PAMR1: variants seen among roughly 807,000 people sequenced by gnomAD.
The protein encoded by PAMR1 is inactive serine protease PAMR1.
PAMR1 carries 88 observed loss-of-function variants against 81.8 expected under a neutral mutation model. The observed-to-expected ratio is 1.08, with a 90% CI of 0.91 to 1.28. PAMR1 has a LOEUF of 1.28. Among genes scored for constraint, PAMR1 ranks in the 50% most tolerant of loss-of-function variants. The probability of loss-of-function intolerance (pLI) is 0.00; values close to 1 mark genes in which losing one functional copy is unlikely to be tolerated. For synonymous variants in PAMR1, 336 were observed against 345.3 expected, an observed-to-expected ratio of 0.97 and a Z score of 0.30; for missense variants, 935 against 919.7, an observed-to-expected ratio of 1.02 and a Z score of -0.21.
intron 8 of PAMR1, 96 bp from the exon 9 acceptor site, chr11:35,436,231 T>C: frequency 7.8e-6 from 6 of 768,762 alleles, no homozygotes; most frequent in South Asian, 1.7e-5. Context: ...TAGATATTTG[T>C]TTACAGAAAC....
chr11:35,467,959 C>A lies in PAMR1; in HGVS notation c.820+42G>T, dbSNP rs563933688. ...AGCTCTTAAAATCCTTCCATACCAG[C>A]CCCATCTGACACCTTAACTCCCACT... On this transcript the variant is annotated intron_variant, in intron 6 of 10. Transcript: ENST00000619888. 8.2e-6 allele frequency: 10 copies of A among 1,214,816 alleles called. No homozygotes were observed. The East Asian group carries it at 2.6e-4, about 31-fold the overall frequency. 75.3% of individuals were successfully genotyped at this position (1,214,816 alleles called of 1,614,324 possible).
intron 1 of PAMR1, among the ~76,000 whole-genome samples, chr11:35,501,512 TTTTC>T (rs1248509909): frequency 2.0e-5 from 3 of 152,084 alleles, no homozygotes; most frequent in African/African-American, 7.2e-5. Flanking sequence ...TACAAAAATA[TTTTC>T]TTTATGTTTT....
chr11:35,484,611 G>A (rs1850464704), intron 3 of PAMR1, among the ~76,000 whole-genome samples: 1 of 152,160 alleles, frequency 6.6e-6, no homozygotes, highest in Admixed American at 6.5e-5. Context: ...AAACATTTTT[G>A]GGCATGGCTT....
chr11:35,456,840 A>G (rs1251363763), intron 6 of PAMR1, among the ~76,000 whole-genome samples: 1 of 152,212 alleles, frequency 6.6e-6, no homozygotes, highest in African/African-American at 2.4e-5. Flanking sequence ...CCTACAATGG[A>G]CTAAACTTGC....
In PAMR1 at chr11:35,447,494, C is replaced by A. The variant is rs112778181; in HGVS notation, c.821-5801G>T. Among the ~76,000 whole-genome samples, 7 of 152,176 alleles carry A rather than the reference C, an allele frequency of 4.6e-5. No homozygotes were observed. The East Asian group carries it at 1.4e-3, about 29-fold the overall frequency. On this transcript the variant is annotated intron_variant, in intron 6 of 10. Coordinates refer to ENST00000619888, the MANE Select transcript of PAMR1 (RefSeq NM_001001991.3). ...CTGGGGTTACAGGCGTGAGCCATTG[C>A]GCCTGGCCTTCCTCCATCCTTTTAT...
intron 8 of PAMR1, among the ~76,000 whole-genome samples, chr11:35,438,784 A>G (rs1856103786): frequency 1.3e-5 from 2 of 152,200 alleles, no homozygotes; most frequent in African/African-American, 4.8e-5. Flanking sequence ...GAAACAGACT[A>G]CAGGCTAGAG....
intron 1 of PAMR1, among the ~76,000 whole-genome samples, chr11:35,518,478 G>T (rs182196318): frequency 2.0e-5 from 3 of 151,562 alleles, no homozygotes; most frequent in African/African-American, 7.3e-5. Context: ...TATGCCTTAC[G>T]GGTGAGAGAT....
At chr11:35,467,229 C>T (rs1438066408) in intron 6 of PAMR1, among the ~76,000 whole-genome samples, 2 of 152,284 alleles carry the variant, frequency 1.3e-5, no homozygotes, top group East Asian at 3.9e-4. Context: ...TACTTGGCCT[C>T]CTTCCCTTCC....
intron 3 of PAMR1, among the ~76,000 whole-genome samples, chr11:35,480,777 G>T (rs1048673344): frequency 6.6e-6 from 1 of 152,108 alleles, no homozygotes; most frequent in Non-Finnish European, 1.5e-5. Flanking sequence ...ATGGTGGTTT[G>T]CTGCACCTAT....
chr11:35,465,332 C>G (rs1178069732), intron 6 of PAMR1, among the ~76,000 whole-genome samples: 1 of 152,028 alleles, frequency 6.6e-6, no homozygotes, highest in Non-Finnish European at 1.5e-5. Context: ...AAAAAAAGAG[C>G]CTAGTCTAAT....
intron 6 of PAMR1, among the ~76,000 whole-genome samples, chr11:35,467,599 T>G (rs1395451239): frequency 6.6e-6 from 1 of 152,212 alleles, no homozygotes; most frequent in Admixed American, 6.5e-5. Flanking sequence ...CTTCAAGTTA[T>G]GCAATAAGTC....
intron 2 of PAMR1, 110 bp downstream of exon 2, chr11:35,493,986 G>A: frequency 1.3e-6 from 1 of 790,966 alleles, no homozygotes; most frequent in Non-Finnish European, 2.1e-6. Flanking sequence ...CATAATCATG[G>A]CACCACAGCC....
chr11:35,481,403 TG>T (rs1181313760), intron 3 of PAMR1, among the ~76,000 whole-genome samples: 5 of 152,232 alleles, frequency 3.3e-5, no homozygotes, highest in Non-Finnish European at 4.4e-5. Flanking sequence ...CCATTCTGAC[TG>T]GCATGAGATA....
At position 35,501,131 on chromosome 11, in the gene PAMR1, TTC is replaced by T. The variant is rs1411248049; in HGVS notation, c.74-6861_74-6860del. The stretch of plus-strand genomic sequence containing the variant: ...CTTTTTAATTTTATAACCTTTTTTT[TTC>T]TTTTTTTTTTTTTTTGAGACAGGGT... On this transcript the variant is annotated intron_variant, in intron 1 of 10. Transcript: ENST00000619888. Among the ~76,000 whole-genome samples, 15 of 129,708 alleles carry T rather than the reference TTC, an allele frequency of 1.2e-4. No homozygotes were observed. In the South Asian group the frequency reaches 3.8e-3, roughly 33 times the overall value. The allele number at this position is 129,708 out of a possible 152,430, so 85.1% of individuals were successfully genotyped here.
intron 10 of PAMR1, among the ~76,000 whole-genome samples, chr11:35,433,726 AGATGGATGGATGGATG>A (rs71044517): frequency 8.7e-5 from 13 of 148,776 alleles, no homozygotes; most frequent in East Asian, 8.0e-4. Flanking sequence ...ATAGATGGAG[AGATGGATGGATGGATG>A]GATGGATGGA....
At chr11:35,525,655 G>T (rs1590408408), upstream of PAMR1, 5 of 1,435,608 alleles carry the variant, frequency 3.5e-6, no homozygotes, top group Non-Finnish European at 4.8e-6. Context: ...CCGGGGGCAG[G>T]CGGGTTTTAC....
intron 3 of PAMR1, among the ~76,000 whole-genome samples, chr11:35,486,612 C>T (rs1850514016): frequency 6.6e-6 from 1 of 152,212 alleles, no homozygotes; most frequent in African/African-American, 2.4e-5. Context: ...ACACAATCAC[C>T]AGCCCAATCA....
rs185606577 is a variant in PAMR1, at chr11:35,452,831, A to G, written c.821-11138T>C. ...ACCACCCCATAAAAATCTCTTTAAT[A>G]TCTTGTCTAATCATAGAGTAATATA... On this transcript the variant is annotated intron_variant, in intron 6 of 10. Transcript: ENST00000619888. Among the ~76,000 whole-genome samples the G allele has an allele frequency of 1.1e-4, 16 of 152,266 alleles. No individual in the cohort carries two copies. The East Asian group carries it at 2.7e-3, about 26-fold the overall frequency.
chr11:35,500,595 A>G (rs1197892562), intron 1 of PAMR1, among the ~76,000 whole-genome samples: 4 of 152,198 alleles, frequency 2.6e-5, no homozygotes, highest in African/African-American at 4.8e-5. Context: ...AAATCTACCG[A>G]CCTCGTCGGG....
Sources: gnomAD v4.1 joint callset for allele counts (sites outside exome capture counted in the v4.1 genomes callset) on GRCh38, gnomAD v4.1.1 for gene constraint, MANE v1.5 for transcripts, NCBI Gene and HGNC (gene_info 2026-07-23, HGNC 2026-07-21) for gene names.